KMT5B: variants seen among roughly 807,000 people sequenced by gnomAD.
KMT5B encodes the protein lysine methyltransferase 5B.
A neutral mutation model predicts 83.2 loss-of-function variants in KMT5B; 10 were observed. The ratio of observed to expected loss-of-function variants is 0.12; its 90% CI spans 0.07 to 0.20. The LOEUF is 0.20. Ranked by LOEUF, KMT5B falls within the 10% of genes least tolerant of loss-of-function variation. The probability of loss-of-function intolerance (pLI) is 1.00; values close to 1 mark genes in which losing one functional copy is unlikely to be tolerated. For synonymous variants in KMT5B, 349 were observed against 388.8 expected, an observed-to-expected ratio of 0.90 and a Z score of 1.20; for missense variants, 753 against 1,067.2, an observed-to-expected ratio of 0.71 and a Z score of 4.10.
At chr11:68,203,626 T>A (rs1306609592) in intron 1 of KMT5B, among the ~76,000 whole-genome samples, 1 of 152,216 alleles carries the variant, frequency 6.6e-6, no homozygotes, top group African/African-American at 2.4e-5. Flanking sequence ...CAGGGCAATT[T>A]CTCAGTTGCT....
chr11:68,183,348 A>G (rs1857133416), intron 3 of KMT5B, among the ~76,000 whole-genome samples: 1 of 152,044 alleles, frequency 6.6e-6, no homozygotes, highest in Non-Finnish European at 1.5e-5. Context: ...AAATGGACTT[A>G]AAATAATGCA....
intron 6 of KMT5B, among the ~76,000 whole-genome samples, chr11:68,173,338 A>G (rs987370947): frequency 6.6e-6 from 1 of 152,114 alleles, no homozygotes; most frequent in African/African-American, 2.4e-5. Context: ...AATGCCCCCC[A>G]CCAACTCTAC....
chr11:68,200,620 G>A lies in KMT5B; in HGVS notation c.-76-10468C>T, dbSNP rs532263569. ...TGTAAGTTAAAATTATGGAGTGGGAGGTGATGGGAATAGGTTAGTTAATTT... is the reference window on the plus strand; with the variant it reads ...TGTAAGTTAAAATTATGGAGTGGGAAGTGATGGGAATAGGTTAGTTAATTT... On this transcript the variant is annotated intron_variant, in intron 1 of 10. Coordinates refer to ENST00000304363, the MANE Select transcript of KMT5B (RefSeq NM_017635.5). 2.6e-5 allele frequency among the ~76,000 whole-genome samples: 4 copies of A among 152,330 alleles called. No homozygotes were observed. The East Asian group carries it at 5.8e-4, about 22-fold the overall frequency.
chr11:68,211,570 G>A (rs185153791), intron 1 of KMT5B, among the ~76,000 whole-genome samples: 6 of 152,166 alleles, frequency 3.9e-5, no homozygotes, highest in Non-Finnish European at 8.8e-5. Context: ...TTCATTAAGG[G>A]TCTATGAGCA....
At chr11:68,208,515 T>G in intron 1 of KMT5B, among the ~76,000 whole-genome samples, 1 of 151,890 alleles carries the variant, frequency 6.6e-6, no homozygotes, top group South Asian at 2.1e-4. Flanking sequence ...TAGAGCAAAA[T>G]AGACATCGTT....
At chr11:68,198,437 A>AAAGACAAGAC (rs146631548) in intron 1 of KMT5B, among the ~76,000 whole-genome samples, 64 of 148,734 alleles carry the variant, frequency 4.3e-4, no homozygotes, top group African/African-American at 8.4e-4. Flanking sequence ...GGAAAGGAAA[A>AAAGACAAGAC]AAGACAAGAC....
In KMT5B at chr11:68,175,025, T is replaced by C. The variant is rs934861213; in HGVS notation, c.536A>G (p.Lys179Arg). ...NKNKMQEKLFKEHVFIYLRMF... is the reference protein window; with the variant it reads ...NKNKMQEKLFREHVFIYLRMF... ...CAGTCTTAATAAACTTACATGTTCT[T>C]TGAATAATTTCTCCTGCATTTTATT... Residue 179 changes from lysine (K) to arginine (R), a missense_variant, in exon 5 of 11, where the codon AAA becomes AGA. Lys to Arg is a conservative substitution (Grantham distance 26). Around this residue, in one of 9 missense-constraint regions of KMT5B, gnomAD observed 71 missense variants for 107.0 expected, o/e 0.66. Coordinates refer to ENST00000304363, the MANE Select transcript of KMT5B (RefSeq NM_017635.5). 1 of 1,613,726 alleles carries C rather than the reference T, an allele frequency of 6.2e-7. No individual in the cohort carries two copies. Among genetic ancestry groups the C allele is most frequent in the Admixed American group, 1.7e-5 (1 of 59,994 alleles).
rs1356378837 is a variant in KMT5B at position 68,189,978 on chromosome 11, C to T, written c.99G>A (p.Gln33=). The change falls in exon 2 of 11, where the codon CAG becomes CAA. Residue 33 remains glutamine (Q), a synonymous_variant. Coordinates refer to ENST00000304363, the MANE Select transcript of KMT5B (RefSeq NM_017635.5). ...CCTTCAGGGTGTCCTTCCCCGTGTGCTGTAATTTTGATTGATTCTGCTGAT... is the reference window on the plus strand; with the variant it reads ...CCTTCAGGGTGTCCTTCCCCGTGTGTTGTAATTTTGATTGATTCTGCTGAT... ...NDHQQNQSKL[Q]HTGKDTLKAG... 1.9e-6 allele frequency: 3 copies of T among 1,614,048 alleles called. No homozygotes were observed. The highest frequency in any genetic ancestry group is 1.7e-6 in the Non-Finnish European group (2 of 1,180,034).
rs990857154 is a variant in KMT5B, at chr11:68,198,017, A to G, written c.-76-7865T>C. On this transcript the variant is annotated intron_variant, in intron 1 of 10. Transcript: ENST00000304363. ...AAGTGTGGAATCTGTTCTTGCTGGC[A>G]TGATCTTTCCTCTAAGACCACACGT... Among the ~76,000 whole-genome samples, 3 of 152,226 alleles carry G rather than the reference A, an allele frequency of 2.0e-5. No individual in the cohort carries two copies. In the East Asian group the frequency reaches 5.8e-4, roughly 29 times the overall value.
At chr11:68,198,257 G>C (rs1858959095) in intron 1 of KMT5B, among the ~76,000 whole-genome samples, 1 of 152,170 alleles carries the variant, frequency 6.6e-6, no homozygotes. Flanking sequence ...GGTGTCACAT[G>C]CCTGTAATCC....
intron 1 of KMT5B, among the ~76,000 whole-genome samples, chr11:68,207,662 C>G (rs1860302905): frequency 6.6e-6 from 1 of 151,296 alleles, no homozygotes; most frequent in Non-Finnish European, 1.5e-5. Context: ...ATGGTGGCAC[C>G]TGCCCGTAGT....
chr11:68,158,820 A>G lies in KMT5B; in HGVS notation c.1526T>C (p.Leu509Ser). 1 of 1,614,082 alleles carries G rather than the reference A, an allele frequency of 6.2e-7. No individual in the cohort carries two copies. The highest frequency in any genetic ancestry group is 8.5e-7 in the Non-Finnish European group (1 of 1,180,026). The change falls in exon 11 of 11, where the codon TTG becomes TCG. Residue 509 changes from leucine (L) to serine (S), a missense_variant. By Grantham distance (145) the Leu-to-Ser change is moderately radical. This residue lies in a region of KMT5B where 397 missense variants were observed against 395.9 expected (regional missense o/e 1.00). Transcript: ENST00000304363. ...GTGTTCTCTCGCCGCGTGTCTAGTC[A>G]AGCACCCGCTGGCAACTGCGGCTTG... is the stretch of plus-strand genomic sequence containing the variant. ...PAQAAVASGC[L>S]TRHAAREHRQ...
At position 68,171,368 on chromosome 11, in the gene KMT5B, A is replaced by C; in HGVS notation, c.821-117T>G. The C allele has an allele frequency of 7.5e-7, 1 of 1,334,674 alleles. No individual in the cohort carries two copies. The highest frequency in any genetic ancestry group is 1.0e-6 in the Non-Finnish European group (1 of 956,324). 82.7% of individuals were successfully genotyped at this position (1,334,674 alleles called of 1,614,324 possible). A position where few individuals can be genotyped will look rare whatever the true frequency, so the allele number is the denominator to read the frequency against. ...ACTTTACAACTTTTGATAGGAGTTT[A>C]GGTCTCAAGTTCAACTAAAGGAATA... On this transcript the variant is annotated intron_variant, in intron 7 of 10. Coordinates refer to ENST00000304363, the MANE Select transcript of KMT5B (RefSeq NM_017635.5). This position sits in a 1 kb window ranked among gnomAD's most constrained non-coding sequence, Gnocchi z 5.1.
At chr11:68,170,396 G>T (rs1352160477) in intron 9 of KMT5B, among the ~76,000 whole-genome samples, 1 of 152,120 alleles carries the variant, frequency 6.6e-6, no homozygotes, top group East Asian at 1.9e-4. Flanking sequence ...CCTTTGAGGG[G>T]ACTCTTCCTG....
At chr11:68,164,521 A>G in intron 10 of KMT5B, 1 of 404,152 alleles carries the variant, frequency 2.5e-6, no homozygotes, top group Non-Finnish European at 5.1e-6. Flanking sequence ...CGCATGTAAG[A>G]ACTCAAGAAA....
chr11:68,186,368 G>A (rs949706039), intron 2 of KMT5B, among the ~76,000 whole-genome samples: 3 of 152,206 alleles, frequency 2.0e-5, no homozygotes, highest in African/African-American at 4.8e-5. Context: ...CAGATCTCAA[G>A]TATCAAAAGG....
At chr11:68,166,778 C>T in intron 10 of KMT5B, 1 of 1,404,316 alleles carries the variant, frequency 7.1e-7, no homozygotes, top group South Asian at 1.7e-5. Flanking sequence ...GAAAAATAGT[C>T]TAGAGGACGG....
At chr11:68,173,980 A>C (rs937748867) in intron 5 of KMT5B, 67 bp from the exon 6 acceptor site, 4 of 1,132,870 alleles carry the variant, frequency 3.5e-6, no homozygotes. Context: ...TCTTACAATT[A>C]TAAAAGCAAA....
rs1166087591 is a variant in KMT5B, at chr11:68,169,067, A to C, written c.978-1889T>G. 2.0e-5 allele frequency among the ~76,000 whole-genome samples: 3 copies of C among 152,324 alleles called. No individual in the cohort carries two copies. The East Asian group carries it at 5.8e-4, about 29-fold the overall frequency. On this transcript the variant is annotated intron_variant, in intron 9 of 10. Transcript: ENST00000304363. ...AGCCAATCTTGAAATCAAACTGCTC[A>C]AACAGTCTGACAATAGCCATGGCCA...
Sources: allele counts gnomAD v4.1 joint callset (sites outside exome capture counted in the v4.1 genomes callset), GRCh38; gene constraint gnomAD v4.1.1; regional missense constraint gnomAD v4.1.1; non-coding constraint Gnocchi (gnomAD v3.1); transcripts MANE v1.5; gene names NCBI Gene and HGNC (gene_info 2026-07-23, HGNC 2026-07-21).